The following CA1 variants were observed in gnomAD, a reference collection of about 807,000 sequenced individuals.
CA1 encodes carbonate dehydratase I.
A neutral mutation model predicts 28.8 loss-of-function variants in CA1; 27 were observed. The ratio of observed to expected loss-of-function variants is 0.94; its 90% CI spans 0.69 to 1.29. CA1 has a LOEUF of 1.29. Among genes scored for constraint, CA1 ranks in the 50% most tolerant of loss-of-function variants. The probability of loss-of-function intolerance (pLI) is 0.00; values close to 1 mark genes in which losing one functional copy is unlikely to be tolerated. For missense variants in CA1, 335 were observed against 310.5 expected (o/e 1.08, Z -0.59); for synonymous variants, 121 against 108.8 (o/e 1.11, Z -0.70).
chr8:85,338,543 G>A (rs1409693298), intron 2 of CA1, 94 bp from the exon 3 acceptor site: 4 of 900,014 alleles, frequency 4.4e-6, no homozygotes, highest in Non-Finnish European at 7.5e-6. Flanking sequence ...TTAGATTAGG[G>A]TTTATTTCAG....
intron 1 of CA1, among the ~76,000 whole-genome samples, chr8:85,362,811 C>G (rs1038305697): frequency 1.3e-5 from 2 of 151,936 alleles, no homozygotes; most frequent in Non-Finnish European, 2.9e-5. Context: ...TCTATTGATT[C>G]TATTGAAATT....
At chr8:85,368,974 G>A (rs999457519) in intron 1 of CA1, among the ~76,000 whole-genome samples, 2 of 151,928 alleles carry the variant, frequency 1.3e-5, no homozygotes, top group Non-Finnish European at 2.9e-5. Context: ...AGGGAGGCTC[G>A]AAAAAAGCTT....
rs1808258477 is a variant in CA1 at position 85,328,453 on chromosome 8, C to T, written c.*107G>A. On this transcript the variant is annotated 3_prime_UTR_variant, in exon 8 of 8. Coordinates refer to ENST00000523022, the MANE Select transcript of CA1 (RefSeq NM_001128831.4). ...ACAGATTGATTTGAAGGCATGCTGT[C>T]TTGCTAATATTGAAATAAATTTATT... The T allele has an allele frequency of 1.4e-6, 1 of 712,940 alleles. No homozygotes were observed. The highest frequency in any genetic ancestry group is 2.5e-6 in the Non-Finnish European group (1 of 399,568). 44.2% of individuals were successfully genotyped at this position (712,940 alleles called of 1,614,324 possible).
At chr8:85,360,850 C>T (rs1255376135) in intron 1 of CA1, among the ~76,000 whole-genome samples, 2 of 152,136 alleles carry the variant, frequency 1.3e-5, no homozygotes, top group African/African-American at 2.4e-5. Context: ...TTTATCAAAT[C>T]AGCAGCAAGT....
chr8:85,363,996 T>C (rs1005148225), intron 1 of CA1, among the ~76,000 whole-genome samples: 8 of 152,124 alleles, frequency 5.3e-5, no homozygotes, highest in Admixed American at 4.6e-4. Flanking sequence ...TTCCTTTCTT[T>C]TCTTTTTTAT....
chr8:85,358,889 CAGTG>C (rs1355549654), intron 1 of CA1, among the ~76,000 whole-genome samples: 1 of 152,186 alleles, frequency 6.6e-6, no homozygotes, highest in Non-Finnish European at 1.5e-5. Flanking sequence ...GAAATTCACT[CAGTG>C]AGTAAGTCCA....
At chr8:85,329,589 T>C in intron 7 of CA1, 100 bp downstream of exon 7, 1 of 1,094,128 alleles carries the variant, frequency 9.1e-7, no homozygotes, top group South Asian at 1.3e-5. Context: ...AATGAACTTC[T>C]CACAAAGCTG....
intron 4 of CA1, among the ~76,000 whole-genome samples, chr8:85,335,089 C>T (rs1468359282): frequency 6.6e-6 from 1 of 152,108 alleles, no homozygotes. Context: ...ATGATTAAGA[C>T]AGTATATTAA....
chr8:85,370,049 G>T (rs982841023), intron 1 of CA1, among the ~76,000 whole-genome samples: 10 of 152,070 alleles, frequency 6.6e-5, no homozygotes, highest in African/African-American at 2.2e-4. Flanking sequence ...GAACTGAAAT[G>T]GGGGGGAAGT....
chr8:85,347,082 A>G (rs1237695994), intron 1 of CA1, among the ~76,000 whole-genome samples: 1 of 152,178 alleles, frequency 6.6e-6, no homozygotes, highest in Non-Finnish European at 1.5e-5. Flanking sequence ...AGCTACCTAA[A>G]ATCATTTTAA....
chr8:85,372,958 G>A (rs1810284282), intron 1 of CA1, among the ~76,000 whole-genome samples: 1 of 152,168 alleles, frequency 6.6e-6, no homozygotes, highest in Non-Finnish European at 1.5e-5. Context: ...CCCAAGACTT[G>A]TGATGCTGGT....
chr8:85,331,412 A>T (rs1164022261), intron 6 of CA1, among the ~76,000 whole-genome samples: 1 of 151,850 alleles, frequency 6.6e-6, no homozygotes, highest in Non-Finnish European at 1.5e-5. Context: ...TTATTGATAA[A>T]ATTTTACCCC....
intron 2 of CA1, among the ~76,000 whole-genome samples, chr8:85,339,695 A>G (rs985312185): frequency 1.3e-5 from 2 of 152,246 alleles, no homozygotes; most frequent in Non-Finnish European, 2.9e-5. Context: ...CCGTGAATGC[A>G]AAAGAAAAGT....
intron 1 of CA1, among the ~76,000 whole-genome samples, chr8:85,350,217 A>T (rs1809352424): frequency 6.6e-6 from 1 of 152,140 alleles, no homozygotes; most frequent in Non-Finnish European, 1.5e-5. Flanking sequence ...CCTCTTAAAG[A>T]TGTTTGATAT....
rs143905416 is a variant in CA1 at position 85,335,607 on chromosome 8, T to G, written c.354+1338A>C. Among the ~76,000 whole-genome samples, 450 of 152,306 alleles carry G rather than the reference T, an allele frequency of 3.0e-3. 3 individuals are homozygous for G. Among genetic ancestry groups the G allele is most frequent in the Middle Eastern group, 0.017 (5 of 294 alleles). ...CTCAAGAAGGTTTATTGAACTGAAT[T>G]TAATCATATGCTAAACTTTGTGGCT... On this transcript the variant is annotated intron_variant, in intron 4 of 7. Coordinates refer to ENST00000523022, the MANE Select transcript of CA1 (RefSeq NM_001128831.4).
At chr8:85,371,058 T>C (rs1013837360) in intron 1 of CA1, among the ~76,000 whole-genome samples, 3 of 152,154 alleles carry the variant, frequency 2.0e-5, no homozygotes, top group Non-Finnish European at 4.4e-5. Context: ...TACTGCCATC[T>C]TTAGGATGGA....
intron 1 of CA1, among the ~76,000 whole-genome samples, chr8:85,346,175 C>A (rs1198912037): frequency 6.6e-6 from 1 of 152,090 alleles, no homozygotes; most frequent in African/African-American, 2.4e-5. Context: ...AAGTATATCT[C>A]ATTGACTGTC....
At chr8:85,350,231 G>A (rs557623845) in intron 1 of CA1, among the ~76,000 whole-genome samples, 14 of 152,196 alleles carry the variant, frequency 9.2e-5, no homozygotes, top group South Asian at 2.1e-4. Flanking sequence ...TTGATATCAC[G>A]TAACTCTTCT....
Position 85,338,238 on chromosome 8 carries a change from G to A in CA1, c.235+14C>T, listed in dbSNP as rs974081548. Reference sequence around the variant, plus strand: ...ACTGTAAGAAAAAAATATCAGAAGGGTCTTTCAGCTCACCTGATCGGTTAT... The same window carrying A: ...ACTGTAAGAAAAAAATATCAGAAGGATCTTTCAGCTCACCTGATCGGTTAT... On this transcript the variant is annotated intron_variant, in intron 3 of 7. Transcript: ENST00000523022. The A allele has an allele frequency of 3.1e-6, 5 of 1,602,552 alleles. No homozygotes were observed. The highest frequency in any genetic ancestry group is 4.3e-6 in the Non-Finnish European group (5 of 1,169,686).
Sources: allele counts gnomAD v4.1 joint callset (sites outside exome capture counted in the v4.1 genomes callset), GRCh38; gene constraint gnomAD v4.1.1; transcripts MANE v1.5; gene names NCBI Gene and HGNC (gene_info 2026-07-23, HGNC 2026-07-21).